MACO1: variants seen among roughly 807,000 people sequenced by gnomAD.
MACO1 encodes the protein macoilin 1.
MACO1 carries 14 observed loss-of-function variants against 78.7 expected under a neutral mutation model. The ratio of observed to expected loss-of-function variants is 0.18; its 90% confidence interval spans 0.12 to 0.28. MACO1 has a LOEUF of 0.28. Among genes scored for constraint, MACO1 ranks in the 10% least tolerant of loss-of-function variants. The pLI, the probability that MACO1 is intolerant of heterozygous loss-of-function variation, is 1.00. For missense variants in MACO1, 501 were observed against 799.0 expected, an observed-to-expected ratio of 0.63 and a Z score of 4.50; for synonymous variants, 288 against 291.6, an observed-to-expected ratio of 0.99 and a Z score of 0.12.
intron 1 of MACO1, among the ~76,000 whole-genome samples, chr1:25,433,566 A>T (rs1029491642): frequency 1.3e-5 from 2 of 152,156 alleles, no homozygotes; most frequent in East Asian, 3.8e-4. Flanking sequence ...TTCATAGCCA[A>T]ACCTTTCATG....
intron 1 of MACO1, among the ~76,000 whole-genome samples, chr1:25,431,468 G>GC (rs2124562936): frequency 1.3e-5 from 2 of 151,184 alleles, no homozygotes; most frequent in East Asian, 3.9e-4. Context: ...GGGGCGGAGA[G>GC]CCCCCAACCA....
At chr1:25,447,207 G>T (rs1013946180) in intron 2 of MACO1, among the ~76,000 whole-genome samples, 1 of 132,700 alleles carries the variant, frequency 7.5e-6, no homozygotes, top group East Asian at 3.1e-4. Flanking sequence ...CATAAAGGCC[G>T]TTCCTACCTT....
intron 6 of MACO1, among the ~76,000 whole-genome samples, chr1:25,464,668 C>CG (rs71577772): frequency 2.2e-5 from 3 of 139,130 alleles, no homozygotes; most frequent in African/African-American, 5.4e-5. Context: ...CCACCCCCCC[C>CG]CTCCGCGAAA....
At chr1:25,464,664 C>A (rs536605573) in intron 6 of MACO1, among the ~76,000 whole-genome samples, 7 of 96,562 alleles carry the variant, frequency 7.2e-5, no homozygotes, top group Admixed American at 3.3e-4. Context: ...TCCCCCACCC[C>A]CCCCCTCCGC....
chr1:25,431,306 CT>C, intron 1 of MACO1, 128 bp downstream of exon 1: 1 of 490,322 alleles, frequency 2.0e-6, no homozygotes, highest in Non-Finnish European at 3.1e-6. Context: ...CTAAGGAGCG[CT>C]GGCCCCGGAG....
intron 6 of MACO1, among the ~76,000 whole-genome samples, chr1:25,462,506 G>A (rs1040705668): frequency 2.0e-5 from 3 of 151,936 alleles, no homozygotes; most frequent in Non-Finnish European, 2.9e-5. Flanking sequence ...CTTTCTGTCC[G>A]TGTGTCCCTA....
chr1:25,443,113 T>C (rs2042986320), intron 1 of MACO1, among the ~76,000 whole-genome samples: 1 of 152,244 alleles, frequency 6.6e-6, no homozygotes, highest in Non-Finnish European at 1.5e-5. Context: ...GTCATCTCTT[T>C]AGATTTGGCA....
chr1:25,460,029 C>T (rs1385246069), intron 6 of MACO1, among the ~76,000 whole-genome samples: 5 of 152,114 alleles, frequency 3.3e-5, no homozygotes, highest in African/African-American at 1.2e-4. Context: ...TCCGTTTATT[C>T]TAGGAGGGAG....
intron 1 of MACO1, among the ~76,000 whole-genome samples, chr1:25,439,242 A>T (rs539434466): frequency 2.2e-4 from 34 of 152,224 alleles, no homozygotes; most frequent in Middle Eastern, 6.8e-3. Context: ...TTTTAAAGAA[A>T]AAAAATAGCC....
rs1457830444 is a variant in MACO1 at position 25,484,266 on chromosome 1, G to A, written c.1305G>A (p.Leu435=). The change falls in exon 7 of 11, where the codon CTG becomes CTA. Residue 435 remains leucine, a synonymous_variant. Coordinates refer to ENST00000374343, the MANE Select transcript of MACO1 (RefSeq NM_018202.6). ...AGCTTCGGCAGGAGAACGAGCTGCT[G>A]CAGAACAAGTACGTGCACCTTTCAG... The part of the protein sequence containing the change: ...MGQLRQENEL[L]QNKLHNAVQM... The A allele has an allele frequency of 6.2e-7, 1 of 1,610,054 alleles. No homozygotes were observed. The highest frequency in any genetic ancestry group is 1.3e-5 in the African/African-American group (1 of 74,718).
rs1213879883 is a variant in MACO1 at position 25,498,778 on chromosome 1, A to G, written c.*312A>G. ...ATTCTTACATAGTTTCCTCTTGAAG[A>G]AAAAAAAAGCAGAGTTTTTGTTTTT... On this transcript the variant is annotated 3_prime_UTR_variant, in exon 11 of 11. Coordinates refer to ENST00000374343, the MANE Select transcript of MACO1 (RefSeq NM_018202.6). 4 of 255,456 alleles carry G rather than the reference A, an allele frequency of 1.6e-5. No homozygotes were observed. The highest frequency in any genetic ancestry group is 2.2e-5 in the Non-Finnish European group (3 of 136,898). 15.8% of individuals were successfully genotyped at this position (255,456 alleles called of 1,614,324 possible). A position where few individuals can be genotyped will look rare whatever the true frequency, so the allele number is the denominator to read the frequency against.
At position 25,434,837 on chromosome 1, in the gene MACO1, G is replaced by A. The variant is rs192464120; in HGVS notation, c.80+3659G>A. Reference sequence around the variant, plus strand: ...AGACACATGTGCACCAGACACTCCCGATAGTAATATCTCATTGCAGGCAGT... The same window carrying A: ...AGACACATGTGCACCAGACACTCCCAATAGTAATATCTCATTGCAGGCAGT... On this transcript the variant is annotated intron_variant, in intron 1 of 10. Transcript: ENST00000374343. Among the ~76,000 whole-genome samples the A allele has an allele frequency of 2.9e-3, 443 of 152,194 alleles. 3 individuals are homozygous for A. The highest frequency in any genetic ancestry group is 8.9e-3 in the African/African-American group (369 of 41,496).
chr1:25,448,998 T>A (rs1179399821), intron 3 of MACO1, 64 bp downstream of exon 3: 1 of 1,352,012 alleles, frequency 7.4e-7, no homozygotes, highest in Non-Finnish European at 9.7e-7. Flanking sequence ...ATGTGGTTAT[T>A]TCTTTGAATA....
At chr1:25,433,501 G>A (rs915965018) in intron 1 of MACO1, among the ~76,000 whole-genome samples, 1 of 152,130 alleles carries the variant, frequency 6.6e-6, no homozygotes, top group Non-Finnish European at 1.5e-5. Context: ...TAAACAGAGA[G>A]CCTTGTTTTT....
chr1:25,450,256 T>C (rs187698844), intron 3 of MACO1, among the ~76,000 whole-genome samples: 5 of 152,294 alleles, frequency 3.3e-5, no homozygotes, highest in African/African-American at 1.2e-4. Context: ...TTAAGCACTT[T>C]CACCCTCCTC....
chr1:25,442,808 A>G (rs1310424723), intron 1 of MACO1, among the ~76,000 whole-genome samples: 1 of 152,212 alleles, frequency 6.6e-6, no homozygotes, highest in Non-Finnish European at 1.5e-5. Context: ...GGCACTCGGA[A>G]GCTTACAAGA....
At chr1:25,464,299 T>A (rs1222892629) in intron 6 of MACO1, among the ~76,000 whole-genome samples, 1 of 151,840 alleles carries the variant, frequency 6.6e-6, no homozygotes, top group East Asian at 1.9e-4. Context: ...AATGTGCATT[T>A]AAGATTCCTC....
Position 25,480,913 on chromosome 1 carries a change from T to TAAAAAAAAA in MACO1, c.1155-3194_1155-3186dup, listed in dbSNP as rs759266355. Among the ~76,000 whole-genome samples, 11 of 16,222 alleles carry TAAAAAAAAA rather than the reference T, an allele frequency of 6.8e-4. 1 individual carries two copies. The highest frequency in any genetic ancestry group is 3.5e-3 in the East Asian group (1 of 284). The allele number at this position is 16,222 out of a possible 152,430, so 10.6% of individuals were successfully genotyped here. A position where few individuals can be genotyped will look rare whatever the true frequency, so the allele number is the denominator to read the frequency against. On this transcript the variant is annotated intron_variant, in intron 6 of 10. Coordinates refer to ENST00000374343, the MANE Select transcript of MACO1 (RefSeq NM_018202.6). The stretch of plus-strand genomic sequence containing the variant: ...CCTGGGCAACAGAGTGAGACTTGGT[T>TAAAAAAAAA]AAAAAAAAAAAAAAAAATATATATA...
rs1458516153 is a variant in MACO1 at position 25,498,798 on chromosome 1, GT to G, written c.*337del. ...TGAAGAAAAAAAAAGCAGAGTTTTT[GT>G]TTTTCAACCCTTTATGTTTGTTTTG... On this transcript the variant is annotated 3_prime_UTR_variant, in exon 11 of 11. Coordinates refer to ENST00000374343, the MANE Select transcript of MACO1 (RefSeq NM_018202.6). The G allele has an allele frequency of 2.1e-5, 5 of 235,098 alleles. No homozygotes were observed. The Admixed American group carries it at 2.6e-4, about 12-fold the overall frequency. The allele number at this position is 235,098 out of a possible 1,614,324, so 14.6% of individuals were successfully genotyped here. A position where few individuals can be genotyped will look rare whatever the true frequency, so the allele number is the denominator to read the frequency against.
Sources: allele counts gnomAD v4.1 joint callset (sites outside exome capture counted in the v4.1 genomes callset), GRCh38; gene constraint gnomAD v4.1.1; transcripts MANE v1.5; gene names NCBI Gene and HGNC (gene_info 2026-07-23, HGNC 2026-07-21).